PRKCE: variants seen among roughly 807,000 people sequenced by gnomAD.
PRKCE encodes the protein protein kinase C epsilon, also known as protein kinase C epsilon type.
In PRKCE, 16 loss-of-function variants were observed where a neutral mutation model predicts 85.4. The ratio of observed to expected loss-of-function variants is 0.19; its 90% CI spans 0.13 to 0.28. The LOEUF is 0.28. Ranked by LOEUF, PRKCE falls within the 10% of genes least tolerant of loss-of-function variation. The pLI is 1.00. For missense variants in PRKCE, 573 were observed against 975.2 expected, an observed-to-expected ratio of 0.59 and a Z score of 5.49; for synonymous variants, 388 against 371.5, an observed-to-expected ratio of 1.04 and a Z score of -0.51.
chr2:45,952,002 T>C (rs1369083046), intron 2 of PRKCE, among the ~76,000 whole-genome samples: 1 of 152,162 alleles, frequency 6.6e-6, no homozygotes, highest in Non-Finnish European at 1.5e-5. Flanking sequence ...CCAGCTAACT[T>C]TTGCATTTTT....
chr2:45,854,055 G>A (rs929308829), intron 2 of PRKCE, among the ~76,000 whole-genome samples: 5 of 152,146 alleles, frequency 3.3e-5, no homozygotes, highest in African/African-American at 1.2e-4. Flanking sequence ...ATACAACCAT[G>A]TACTCACATA....
chr2:45,800,011 G>A (rs1286162423), intron 1 of PRKCE, among the ~76,000 whole-genome samples: 1 of 152,232 alleles, frequency 6.6e-6, no homozygotes, highest in African/African-American at 2.4e-5. Context: ...TGGGGAGGAG[G>A]AAGGCTGATA....
At chr2:45,729,113 C>T (rs768353031) in intron 1 of PRKCE, among the ~76,000 whole-genome samples, 2 of 152,172 alleles carry the variant, frequency 1.3e-5, no homozygotes, top group Non-Finnish European at 2.9e-5. Context: ...GAAGCCTGGA[C>T]TCCAAAGGAA....
Position 46,001,405 on chromosome 2 carries a change from C to G in PRKCE, c.825C>G (p.Val275=). The G allele has an allele frequency of 6.3e-7, 1 of 1,598,880 alleles. No homozygotes were observed. Among genetic ancestry groups the G allele is most frequent in the Non-Finnish European group, 8.5e-7 (1 of 1,179,456 alleles). The change falls in exon 7 of 15, where the codon GTC becomes GTG. Residue 275 remains valine (V), a splice_region_variant and synonymous_variant. Coordinates refer to ENST00000306156, the MANE Select transcript of PRKCE (RefSeq NM_005400.3). The surrounding 1 kb of genome is among the most constrained non-coding windows in gnomAD (Gnocchi z 4.4). ...TCTTTTCTCCATGTCTCCTTACAGT[C>G]TGCAAAATGAATGTTCACCGTCGAT... The part of the protein sequence containing the change: ...GLLRQGLQCK[V]CKMNVHRRCE...
At position 45,867,665 on chromosome 2, in the gene PRKCE, G is replaced by A. The variant is rs948543468; in HGVS notation, c.412+24602G>A. 2.0e-5 allele frequency among the ~76,000 whole-genome samples: 3 copies of A among 152,234 alleles called. No homozygotes were observed. In the South Asian group the frequency reaches 6.2e-4, roughly 32 times the overall value. On this transcript the variant is annotated intron_variant, in intron 2 of 14. Coordinates refer to ENST00000306156, the MANE Select transcript of PRKCE (RefSeq NM_005400.3). ...TTTGATTTTTTTCATCAGAGGTTTT[G>A]TTTTCCTGCTATAGATTTTGCATAT...
chr2:45,914,145 G>C (rs1316048280), intron 2 of PRKCE, among the ~76,000 whole-genome samples: 1 of 152,178 alleles, frequency 6.6e-6, no homozygotes, highest in Non-Finnish European at 1.5e-5. Context: ...AAATTACGTG[G>C]AAGCATACAA....
intron 1 of PRKCE, among the ~76,000 whole-genome samples, chr2:45,815,683 A>G (rs1001124637): frequency 1.3e-5 from 2 of 152,338 alleles, no homozygotes; most frequent in South Asian, 4.1e-4. Flanking sequence ...TATGGATAGA[A>G]TATCCCAGCA....
At chr2:45,864,092 G>A (rs1451354802) in intron 2 of PRKCE, among the ~76,000 whole-genome samples, 2 of 152,148 alleles carry the variant, frequency 1.3e-5, no homozygotes, top group Admixed American at 1.3e-4. Context: ...TGGTTTAACT[G>A]GTTGGAGAGA....
At chr2:45,901,499 G>C (rs1197647251) in intron 2 of PRKCE, among the ~76,000 whole-genome samples, 1 of 152,106 alleles carries the variant, frequency 6.6e-6, no homozygotes, top group Admixed American at 6.5e-5. Flanking sequence ...ATCAACGTAT[G>C]GCTGATAGAT....
chr2:45,783,963 T>C (rs1014332641), intron 1 of PRKCE, among the ~76,000 whole-genome samples: 1 of 152,210 alleles, frequency 6.6e-6, no homozygotes, highest in Non-Finnish European at 1.5e-5. Context: ...ACTTCGAACT[T>C]TGTTAGGATC....
chr2:45,683,395 A>C (rs963667004), intron 1 of PRKCE, among the ~76,000 whole-genome samples: 42 of 152,230 alleles, frequency 2.8e-4, no homozygotes, highest in African/African-American at 9.6e-4. Flanking sequence ...ATAGGAGCAG[A>C]ACTATTTTCA....
chr2:46,137,279 A>G (rs1297539533), intron 11 of PRKCE, among the ~76,000 whole-genome samples: 1 of 152,198 alleles, frequency 6.6e-6, no homozygotes, highest in South Asian at 2.1e-4. Flanking sequence ...TGACATCGGG[A>G]AGAGAAAATA....
Position 45,778,057 on chromosome 2 carries a change from A to G in PRKCE, c.349-64943A>G, listed in dbSNP as rs974395594. ...GGTGGGCTTTGGGAGGAGCAAGTCAATTTATCTCTTGGGCTTCATTTTCCT... is the reference window on the plus strand; with the variant it reads ...GGTGGGCTTTGGGAGGAGCAAGTCAGTTTATCTCTTGGGCTTCATTTTCCT... On this transcript the variant is annotated intron_variant, in intron 1 of 14. Coordinates refer to ENST00000306156, the MANE Select transcript of PRKCE (RefSeq NM_005400.3). Among the ~76,000 whole-genome samples the G allele has an allele frequency of 1.6e-4, 17 of 108,984 alleles. 1 individual carries two copies. The South Asian group carries it at 3.9e-3, about 25-fold the overall frequency. The allele number at this position is 108,984 out of a possible 152,430, so 71.5% of individuals were successfully genotyped here.
At chr2:45,902,864 T>C (rs1037725332) in intron 2 of PRKCE, among the ~76,000 whole-genome samples, 23 of 152,286 alleles carry the variant, frequency 1.5e-4, no homozygotes, top group Admixed American at 4.6e-4. Context: ...GCCAAATAAG[T>C]TTGGATAGTG....
intron 1 of PRKCE, among the ~76,000 whole-genome samples, chr2:45,776,909 C>T (rs762335465): frequency 1.5e-4 from 23 of 152,208 alleles, no homozygotes; most frequent in Middle Eastern, 3.2e-3. Flanking sequence ...CTCAAGGAAT[C>T]ACCCCAGCCT....
At chr2:46,176,430 T>C (rs1252182793) in intron 14 of PRKCE, among the ~76,000 whole-genome samples, 1 of 151,990 alleles carries the variant, frequency 6.6e-6, no homozygotes, top group Non-Finnish European at 1.5e-5. Context: ...AGAGTAATGA[T>C]ACCAAGTGAT....
chr2:45,792,538 T>C (rs1436455283), intron 1 of PRKCE, among the ~76,000 whole-genome samples: 2 of 152,104 alleles, frequency 1.3e-5, no homozygotes, highest in Non-Finnish European at 2.9e-5. Flanking sequence ...TTCTGGTGGC[T>C]CTAACACGCA....
In PRKCE at chr2:46,001,656, A is replaced by G; in HGVS notation, c.966+110A>G. ...GTAATAAGATTCCTGGGTTTGAGGT[A>G]TTTTACTCAGAACTGCAGTACTTAA... On this transcript the variant is annotated intron_variant, in intron 7 of 14. Coordinates refer to ENST00000306156, the MANE Select transcript of PRKCE (RefSeq NM_005400.3). The surrounding 1 kb of genome is among the most constrained non-coding windows in gnomAD (Gnocchi z 4.4). 1 of 1,314,342 alleles carries G rather than the reference A, an allele frequency of 7.6e-7. No individual in the cohort carries two copies. Among genetic ancestry groups the G allele is most frequent in the South Asian group, 1.6e-5 (1 of 61,416 alleles). 81.4% of individuals were successfully genotyped at this position (1,314,342 alleles called of 1,614,324 possible).
chr2:45,737,728 T>G (rs1349457447), intron 1 of PRKCE, among the ~76,000 whole-genome samples: 1 of 151,996 alleles, frequency 6.6e-6, no homozygotes, highest in African/African-American at 2.4e-5. Flanking sequence ...AGGTGTGCTC[T>G]CCTTGCTCTG....
Sources: allele counts gnomAD v4.1 joint callset (sites outside exome capture counted in the v4.1 genomes callset), GRCh38; gene constraint gnomAD v4.1.1; non-coding constraint Gnocchi (gnomAD v3.1); transcripts MANE v1.5; gene names NCBI Gene and HGNC (gene_info 2026-07-23, HGNC 2026-07-21).